The following SLC45A2 variants were observed in gnomAD, a reference collection of about 807,000 sequenced individuals.
SLC45A2 encodes membrane-associated transporter protein.
Under a neutral mutation model 45.5 loss-of-function variants are expected in SLC45A2, and 36 were observed. That is an observed-to-expected ratio of 0.79 (90% CI 0.61 to 1.04). The LOEUF is 1.04. Among genes scored for constraint, SLC45A2 ranks in the 50% least tolerant of loss-of-function variants. The probability of loss-of-function intolerance (pLI) is 0.00; values close to 1 mark genes in which losing one functional copy is unlikely to be tolerated. For synonymous variants in SLC45A2, 306 were observed against 269.3 expected, an observed-to-expected ratio of 1.14 and a Z score of -1.33; for missense variants, 719 against 671.0, an observed-to-expected ratio of 1.07 and a Z score of -0.79.
intron 3 of SLC45A2, among the ~76,000 whole-genome samples, chr5:33,955,909 A>C (rs147685403): frequency 6.6e-6 from 1 of 152,344 alleles, no homozygotes; most frequent in East Asian, 1.9e-4. Flanking sequence ...GTGAAGCTTC[A>C]GTAGAAGAAT....
In SLC45A2 at chr5:33,982,318, A is replaced by G. The variant is rs756228572; in HGVS notation, c.480T>C (p.Asp160=). ...CAAATAAGTAGGCTTTGATGGGCCC[A>G]TCAATGAAGTCGGCAGCAAAATCAA... ...VLFDFAADFI[D]GPIKAYLFDV... The change falls in exon 2 of 7, where the codon GAT becomes GAC. Residue 160 remains aspartate, a synonymous_variant. Transcript: ENST00000296589. The G allele has an allele frequency of 4.2e-5, 68 of 1,614,076 alleles. No homozygotes were observed. The Middle Eastern group carries it at 4.9e-4, about 12-fold the overall frequency.
rs113340525 is a variant in SLC45A2 at position 33,982,212 on chromosome 5, G to C, written c.562+24C>G. ...CCTCATTGTCTGGGGAGCTGAAGGA[G>C]AGACTTTCTGGAATATTCCCTACCT... On this transcript the variant is annotated intron_variant, in intron 2 of 6. Coordinates refer to ENST00000296589, the MANE Select transcript of SLC45A2 (RefSeq NM_016180.5). 118 of 1,613,650 alleles carry C rather than the reference G, an allele frequency of 7.3e-5. No individual in the cohort carries two copies. The African/African-American group carries it at 1.4e-3, about 19-fold the overall frequency.
At chr5:33,968,286 T>C (rs1316315498) in intron 2 of SLC45A2, among the ~76,000 whole-genome samples, 1 of 152,168 alleles carries the variant, frequency 6.6e-6, no homozygotes, top group Non-Finnish European at 1.5e-5. Context: ...TGATAAAGGC[T>C]GATAGTTTTA....
In SLC45A2 at chr5:33,963,948, A is replaced by G. The variant is rs781035843; in HGVS notation, c.631T>C (p.Leu211=). 1.2e-6 allele frequency: 2 copies of G among 1,614,176 alleles called. No individual in the cohort carries two copies. The highest frequency in any genetic ancestry group is 2.2e-5 in the South Asian group (2 of 91,084). The change falls in exon 3 of 7, where the codon TTG becomes CTG. Residue 211 remains leucine (L), a synonymous_variant. Coordinates refer to ENST00000296589, the MANE Select transcript of SLC45A2 (RefSeq NM_016180.5). ...DWAHLELGRL[L]GTEFQVMFFF... The stretch of plus-strand genomic sequence containing the variant: ...AACATGACCTGGAATTCTGTACCCA[A>G]CAGTCTTCCCAGCTCCAGATGGGCC...
intron 2 of SLC45A2, among the ~76,000 whole-genome samples, chr5:33,969,978 A>C (rs879659735): frequency 1.3e-5 from 2 of 152,234 alleles, no homozygotes; most frequent in African/African-American, 2.4e-5. Flanking sequence ...TCCAGTTCTA[A>C]GTTGTAATGG....
chr5:33,972,901 A>G (rs952597087), intron 2 of SLC45A2, among the ~76,000 whole-genome samples: 4 of 152,242 alleles, frequency 2.6e-5, no homozygotes, highest in South Asian at 4.1e-4. Flanking sequence ...TTTGTAAAAC[A>G]TTGAAAATGG....
chr5:33,953,215 T>A (rs926689125), intron 4 of SLC45A2, among the ~76,000 whole-genome samples: 1 of 145,908 alleles, frequency 6.9e-6, no homozygotes, highest in South Asian at 2.2e-4. Flanking sequence ...TACCCAGTAA[T>A]GGGATGGCTG....
rs78505258 is a variant in SLC45A2 at position 33,951,376 on chromosome 5, T to C, written c.1156+178A>G. On this transcript the variant is annotated intron_variant, in intron 5 of 6. Coordinates refer to ENST00000296589, the MANE Select transcript of SLC45A2 (RefSeq NM_016180.5). Reference sequence around the variant, plus strand: ...GTGAGGAAATGACACCTAGAATTCATGATGAAAAAAGGATGCTTTATATGG... The same window carrying C: ...GTGAGGAAATGACACCTAGAATTCACGATGAAAAAAGGATGCTTTATATGG... The C allele has an allele frequency of 1.8e-3, 2,746 of 1,493,556 alleles. 59 individuals carry two copies. In the African/African-American group the frequency reaches 0.036, roughly 19 times the overall value. The allele number at this position is 1,493,556 out of a possible 1,614,324, so 92.5% of individuals were successfully genotyped here.
At chr5:33,956,527 C>T (rs2111935548) in intron 3 of SLC45A2, among the ~76,000 whole-genome samples, 1 of 152,290 alleles carries the variant, frequency 6.6e-6, no homozygotes. Context: ...TATCTACTTA[C>T]TATGAGAGTG....
intron 3 of SLC45A2, among the ~76,000 whole-genome samples, chr5:33,956,753 A>G (rs1262193241): frequency 1.3e-5 from 2 of 152,066 alleles, no homozygotes; most frequent in African/African-American, 2.4e-5. Context: ...TATAAAGGGC[A>G]CCCATGGTTT....
At position 33,954,686 on chromosome 5, in the gene SLC45A2, G is replaced by A. The variant is rs114068287; in HGVS notation, c.889-182C>T. Among the ~76,000 whole-genome samples, 291 of 152,282 alleles carry A rather than the reference G, an allele frequency of 1.9e-3. 2 individuals carry two copies. The highest frequency in any genetic ancestry group is 6.6e-3 in the African/African-American group (273 of 41,544). On this transcript the variant is annotated intron_variant, in intron 3 of 6. Transcript: ENST00000296589. Reference sequence around the variant, plus strand: ...TCACAGGAGGTATTCTGTTAAGCACGAGTGGCTGCTTGGCAGTTTCAGGCC... The same window carrying A: ...TCACAGGAGGTATTCTGTTAAGCACAAGTGGCTGCTTGGCAGTTTCAGGCC...
At chr5:33,983,083 G>A (rs143504027) in intron 1 of SLC45A2, among the ~76,000 whole-genome samples, 4 of 152,298 alleles carry the variant, frequency 2.6e-5, no homozygotes, top group African/African-American at 9.6e-5. Flanking sequence ...AAGGGGGCCC[G>A]AGAAACTGCA....
chr5:33,949,298 G>T (rs1752028866), intron 5 of SLC45A2, among the ~76,000 whole-genome samples: 1 of 152,202 alleles, frequency 6.6e-6, no homozygotes. Flanking sequence ...GGAAGGAAAG[G>T]AAAGGATTGA....
intron 2 of SLC45A2, among the ~76,000 whole-genome samples, chr5:33,969,340 TG>T: frequency 6.6e-6 from 1 of 152,242 alleles, no homozygotes; most frequent in East Asian, 1.9e-4. Context: ...AAGACCAGCT[TG>T]ACCAGACAAG....
intron 2 of SLC45A2, among the ~76,000 whole-genome samples, chr5:33,969,561 A>AG (rs1434947353): frequency 6.6e-6 from 1 of 152,238 alleles, no homozygotes; most frequent in African/African-American, 2.4e-5. Flanking sequence ...CAGAGAAATA[A>AG]GAATGGTTTG....
rs535871299 is a variant in SLC45A2, at chr5:33,945,764, C to T, written c.1369-892G>A. 1.4e-3 allele frequency: 258 copies of T among 184,652 alleles called. 1 individual carries two copies. The Middle Eastern group carries it at 0.014, about 10-fold the overall frequency. The allele number at this position is 184,652 out of a possible 1,614,324, so 11.4% of individuals were successfully genotyped here. A position where few individuals can be genotyped will look rare whatever the true frequency, so the allele number is the denominator to read the frequency against. ...GCCTCATGAGGAAACTGAGGGCCTG[C>T]GAGCTTAAATGATGATTTCCTACAC... On this transcript the variant is annotated intron_variant, in intron 6 of 6. Transcript: ENST00000296589.
At chr5:33,980,284 T>C (rs1753037896) in intron 2 of SLC45A2, among the ~76,000 whole-genome samples, 1 of 150,826 alleles carries the variant, frequency 6.6e-6, no homozygotes, top group African/African-American at 2.4e-5. Context: ...AAAAAAACCA[T>C]GATTTATAGC....
chr5:33,945,659 C>T (rs185451833), intron 6 of SLC45A2, among the ~76,000 whole-genome samples: 3 of 151,320 alleles, frequency 2.0e-5, no homozygotes, highest in East Asian at 1.9e-4. Flanking sequence ...GAGTCTTTGT[C>T]GGGTGCTAGG....
intron 4 of SLC45A2, 39 bp downstream of exon 4, chr5:33,954,322 A>C: frequency 1.2e-6 from 2 of 1,613,588 alleles, no homozygotes; most frequent in Middle Eastern, 1.7e-4. Context: ...GGAGGAAATG[A>C]TGTGTAACAG....
Sources: allele counts gnomAD v4.1 joint callset (sites outside exome capture counted in the v4.1 genomes callset), GRCh38; gene constraint gnomAD v4.1.1; transcripts MANE v1.5; gene names NCBI Gene and HGNC (gene_info 2026-07-23, HGNC 2026-07-21).